ZFHX3: variants seen among roughly 807,000 people sequenced by gnomAD.
ZFHX3 encodes the protein zinc finger homeobox protein 3.
In ZFHX3, 42 loss-of-function variants were observed where a neutral mutation model predicts 279.1. The ratio of observed to expected loss-of-function variants is 0.15; its 90% CI spans 0.12 to 0.19. The LOEUF is 0.19. Ranked by LOEUF, ZFHX3 falls within the 10% of genes least tolerant of loss-of-function variation. The pLI, the probability that ZFHX3 is intolerant of heterozygous loss-of-function variation, is 1.00. For missense variants in ZFHX3, 4,981 were observed against 4,754.0 expected (o/e 1.05, Z -1.40); for synonymous variants, 2,293 against 1,957.8 (o/e 1.17, Z -4.52).
chr16:73,674,415 T>G (rs555567412), intron 2 of ZFHX3, among the ~76,000 whole-genome samples: 2 of 152,132 alleles, frequency 1.3e-5, no homozygotes, highest in African/African-American at 2.4e-5. Context: ...TAAAAATCAA[T>G]TGGAAGAGAT....
At chr16:73,607,090 A>C (rs1221371623) in intron 2 of ZFHX3, among the ~76,000 whole-genome samples, 2 of 152,176 alleles carry the variant, frequency 1.3e-5, no homozygotes, top group Non-Finnish European at 2.9e-5. Flanking sequence ...GTGCAATGGC[A>C]CACTCTTGGC....
chr16:73,771,329 GCC>G (rs1245758025), intron 1 of ZFHX3, among the ~76,000 whole-genome samples: 1 of 152,074 alleles, frequency 6.6e-6, no homozygotes, highest in Admixed American at 6.6e-5. Context: ...TGGTGATGGC[GCC>G]CCAACAGCTG....
chr16:73,079,892 C>T (rs1426182833), intron 8 of ZFHX3, among the ~76,000 whole-genome samples: 2 of 152,124 alleles, frequency 1.3e-5, no homozygotes, highest in African/African-American at 4.8e-5. Flanking sequence ...TTAAATAGAT[C>T]CCTTGTGGTT....
chr16:73,177,780 C>T (rs1967697168), intron 5 of ZFHX3, among the ~76,000 whole-genome samples: 1 of 152,170 alleles, frequency 6.6e-6, no homozygotes, highest in Admixed American at 6.5e-5. Context: ...AGGGATAGGC[C>T]TTGTTCTCAA....
chr16:73,129,118 G>A (rs114812956), intron 7 of ZFHX3, among the ~76,000 whole-genome samples: 31 of 152,198 alleles, frequency 2.0e-4, no homozygotes, highest in African/African-American at 7.5e-4. Context: ...TGGTGCGGAG[G>A]GGCACACCTG....
At chr16:73,184,654 C>G (rs1013604022) in intron 5 of ZFHX3, among the ~76,000 whole-genome samples, 4 of 152,180 alleles carry the variant, frequency 2.6e-5, no homozygotes, top group Non-Finnish European at 4.4e-5. Flanking sequence ...GTGTGGGGTT[C>G]TTGCTTGCAG....
rs1055582650 is a variant in ZFHX3 at position 73,882,675 on chromosome 16, C to G, written c.-1608+8976G>C. The stretch of plus-strand genomic sequence containing the variant: ...GGATCCTACTTTAAATTACCCACAT[C>G]AACCACGATTGAATGAAAAAAGATA... On this transcript the variant is annotated intron_variant, in intron 1 of 17. Transcript: ENST00000641206. Among the ~76,000 whole-genome samples, 45 of 152,166 alleles carry G rather than the reference C, an allele frequency of 3.0e-4. 1 individual carries two copies. The highest frequency in any genetic ancestry group is 1.5e-3 in the Admixed American group (23 of 15,272).
chr16:73,795,500 C>T (rs1163421489), intron 1 of ZFHX3, among the ~76,000 whole-genome samples: 2 of 152,116 alleles, frequency 1.3e-5, no homozygotes, highest in South Asian at 2.1e-4. Context: ...AACAGAGAAC[C>T]ACCTTTCTAT....
chr16:73,613,445 TG>T (rs538360098), intron 2 of ZFHX3, among the ~76,000 whole-genome samples: 2,888 of 150,690 alleles, frequency 0.019, 94 homozygotes, highest in African/African-American at 0.066. Flanking sequence ...TTGCTTTTTT[TG>T]TTTGTTTGTT....
chr16:72,786,074 A>G lies in ZFHX3; in HGVS notation c.*1090T>C, dbSNP rs1212476232. ...GACGGGAGGTGGGAGAAGGAAAGAG[A>G]AAGTGGAATTAAGGGACAAGAAAGA... On this transcript the variant is annotated 3_prime_UTR_variant, in exon 10 of 10. Transcript: ENST00000268489. 2 of 151,974 alleles carry G rather than the reference A, an allele frequency of 1.3e-5. No homozygotes were observed. The highest frequency in any genetic ancestry group is 2.9e-5 in the Non-Finnish European group (2 of 68,010). The allele number at this position is 151,974 out of a possible 1,614,324, so 9.4% of individuals were successfully genotyped here.
intron 1 of ZFHX3, among the ~76,000 whole-genome samples, chr16:73,856,436 G>T (rs1366334626): frequency 6.6e-6 from 1 of 152,046 alleles, no homozygotes; most frequent in Non-Finnish European, 1.5e-5. Flanking sequence ...CCCACCCCTT[G>T]GCAAGGGGGA....
At chr16:73,732,934 T>C (rs530188801) in intron 1 of ZFHX3, among the ~76,000 whole-genome samples, 1 of 152,204 alleles carries the variant, frequency 6.6e-6, no homozygotes, top group Non-Finnish European at 1.5e-5. Flanking sequence ...AGTCCTGTCA[T>C]GGATCATATA....
intron 1 of ZFHX3, among the ~76,000 whole-genome samples, chr16:73,767,495 T>A (rs1203921373): frequency 6.6e-6 from 1 of 152,178 alleles, no homozygotes; most frequent in Non-Finnish European, 1.5e-5. Flanking sequence ...ATTTCTCAGT[T>A]TTCTTGAGCT....
chr16:73,541,955 C>T (rs1670023355), intron 2 of ZFHX3, among the ~76,000 whole-genome samples: 1 of 151,842 alleles, frequency 6.6e-6, no homozygotes, highest in African/African-American at 2.4e-5. Flanking sequence ...GCACCTGCCA[C>T]CGTGCCTGGC....
intron 2 of ZFHX3, among the ~76,000 whole-genome samples, chr16:73,475,042 G>A (rs1287262017): frequency 1.3e-5 from 2 of 152,116 alleles, no homozygotes; most frequent in African/African-American, 2.4e-5. Context: ...TCCTCATCCT[G>A]TCTCCCTCCC....
At chr16:73,724,797 A>C (rs539192620) in intron 1 of ZFHX3, among the ~76,000 whole-genome samples, 1 of 152,332 alleles carries the variant, frequency 6.6e-6, no homozygotes, top group Admixed American at 6.5e-5. Flanking sequence ...CCAAACAGAA[A>C]GAATTCTTAA....
At chr16:73,848,997 G>C (rs374305812) in intron 1 of ZFHX3, among the ~76,000 whole-genome samples, 1 of 152,288 alleles carries the variant, frequency 6.6e-6, no homozygotes, top group South Asian at 2.1e-4. Flanking sequence ...CAGTTCACTG[G>C]TATTTTTAAT....
At chr16:73,215,990 A>T (rs1241001655) in intron 5 of ZFHX3, among the ~76,000 whole-genome samples, 1 of 152,186 alleles carries the variant, frequency 6.6e-6, no homozygotes, top group African/African-American at 2.4e-5. Flanking sequence ...TGAGAATGAT[A>T]TGATCTAGAT....
chr16:73,628,880 A>G (rs572499959), intron 2 of ZFHX3, among the ~76,000 whole-genome samples: 1 of 152,012 alleles, frequency 6.6e-6, no homozygotes, highest in East Asian at 2.0e-4. Flanking sequence ...CCAACCACTG[A>G]CTCCAGGGGC....
Sources: gnomAD v4.1 joint callset for allele counts (sites outside exome capture counted in the v4.1 genomes callset) on GRCh38, gnomAD v4.1.1 for gene constraint, MANE v1.5 for transcripts, NCBI Gene and HGNC (gene_info 2026-07-23, HGNC 2026-07-21) for gene names.